FIBCD1: variants seen among roughly 807,000 people sequenced by gnomAD.
FIBCD1 encodes fibrinogen C domain containing 1, also known as fibrinogen C domain-containing protein 1.
Under a neutral mutation model 45.1 loss-of-function variants are expected in FIBCD1, and 47 were observed. That is an observed-to-expected ratio of 1.04 (90% CI 0.82 to 1.33). The LOEUF is 1.33. FIBCD1 is among the 40% of genes most tolerant of loss of function. The probability of loss-of-function intolerance (pLI) is 0.00; values close to 1 mark genes in which losing one functional copy is unlikely to be tolerated. For missense variants in FIBCD1, 653 were observed against 682.2 expected, an observed-to-expected ratio of 0.96 and a Z score of 0.48; for synonymous variants, 313 against 308.1, an observed-to-expected ratio of 1.02 and a Z score of -0.17.
In FIBCD1 at chr9:130,905,413, C is replaced by T. The variant is rs1209635183; in HGVS notation, c.947G>A (p.Gly316Glu). The change falls in exon 6 of 7, where the codon GGG becomes GAG. Residue 316 changes from glycine (G) to glutamate (E), a missense_variant and splice_region_variant. Physicochemically the swap from Gly to Glu is moderately conservative, Grantham distance 98. Transcript: ENST00000372338. ...FGRLTGEHWLGLKRIHALTTQ... is the reference protein window; with the variant it reads ...FGRLTGEHWLELKRIHALTTQ... ...GGTCAGGGCGTGGATCCTCTTGAGCCCTGAAGTTGGGGGGAAAATGGTGGG... is the reference window on the plus strand; with the variant it reads ...GGTCAGGGCGTGGATCCTCTTGAGCTCTGAAGTTGGGGGGAAAATGGTGGG... 2 of 1,606,104 alleles carry T rather than the reference C, an allele frequency of 1.2e-6. No homozygotes were observed. Among genetic ancestry groups the T allele is most frequent in the Non-Finnish European group, 1.7e-6 (2 of 1,175,810 alleles).
At chr9:130,904,641 G>A (rs1366602504) in intron 6 of FIBCD1, among the ~76,000 whole-genome samples, 1 of 149,222 alleles carries the variant, frequency 6.7e-6, no homozygotes, top group African/African-American at 2.4e-5. Flanking sequence ...CGGCCTGAGA[G>A]GGGAAACCCA....
At position 130,921,826 on chromosome 9, in the gene FIBCD1, A is replaced by G. The variant is rs151306098; in HGVS notation, c.849+1918T>C. ...GAAAACAAAAGAGCTTTTATCCCCC[A>G]GACGCAGCTCCAGTACATTTTTAAA... On this transcript the variant is annotated intron_variant, in intron 4 of 6. Coordinates refer to ENST00000372338, the MANE Select transcript of FIBCD1 (RefSeq NM_032843.5). 1.9e-3 allele frequency among the ~76,000 whole-genome samples: 284 copies of G among 152,346 alleles called. 2 individuals are homozygous for G. The highest frequency in any genetic ancestry group is 3.1e-3 in the Admixed American group (48 of 15,310).
chr9:130,912,615 G>A (rs1175862415), intron 4 of FIBCD1, among the ~76,000 whole-genome samples: 2 of 151,780 alleles, frequency 1.3e-5, no homozygotes, highest in African/African-American at 2.4e-5. Context: ...GCTGAGGCAG[G>A]AGAATCGCTT....
chr9:130,916,370 C>T (rs1025095646), intron 4 of FIBCD1, among the ~76,000 whole-genome samples: 1 of 152,262 alleles, frequency 6.6e-6, no homozygotes. Context: ...GCCTTTGCCA[C>T]GGGCTGTCCT....
chr9:130,915,606 G>A (rs111651871), intron 4 of FIBCD1, among the ~76,000 whole-genome samples: 17,912 of 152,200 alleles, frequency 0.12, 2,316 homozygotes, highest in African/African-American at 0.32. Flanking sequence ...GGGAGGCTGA[G>A]GCAGGATAAT....
At chr9:130,933,166 A>G (rs1420469610) in intron 1 of FIBCD1, among the ~76,000 whole-genome samples, 1 of 152,232 alleles carries the variant, frequency 6.6e-6, no homozygotes, top group Non-Finnish European at 1.5e-5. Context: ...CAGGGCACTC[A>G]GCAGAGGAGA....
At chr9:130,921,625 G>A (rs1832262422) in intron 4 of FIBCD1, among the ~76,000 whole-genome samples, 1 of 152,208 alleles carries the variant, frequency 6.6e-6, no homozygotes, top group African/African-American at 2.4e-5. Context: ...CCGGGAGATT[G>A]GCTTCATGTC....
chr9:130,924,556 G>C (rs1468309558), intron 2 of FIBCD1, among the ~76,000 whole-genome samples, 160 bp from the exon 3 acceptor site: 1 of 152,226 alleles, frequency 6.6e-6, no homozygotes, highest in Admixed American at 6.5e-5. Flanking sequence ...CCTGTCCAAG[G>C]TGGTCTGAGG....
At chr9:130,930,825 C>A (rs879078621) in intron 1 of FIBCD1, 2 of 456,076 alleles carry the variant, frequency 4.4e-6, no homozygotes, top group Admixed American at 2.3e-5. Context: ...TAGAGACACC[C>A]ACCTCTCTAT....
intron 4 of FIBCD1, among the ~76,000 whole-genome samples, chr9:130,917,636 A>AGCT (rs1832189589): frequency 6.6e-6 from 1 of 152,194 alleles, no homozygotes; most frequent in African/African-American, 2.4e-5. Context: ...CTGACCAACC[A>AGCT]GCTGCTGCTT....
At chr9:130,913,029 T>A (rs1461027091) in intron 4 of FIBCD1, among the ~76,000 whole-genome samples, 1 of 152,088 alleles carries the variant, frequency 6.6e-6, no homozygotes, top group Non-Finnish European at 1.5e-5. Flanking sequence ...GAGCCCACAG[T>A]CAGCGGGGTG....
intron 6 of FIBCD1, 130 bp from the exon 7 acceptor site, chr9:130,904,453 TCACA>T (rs773251932): frequency 3.5e-5 from 47 of 1,332,708 alleles, no homozygotes; most frequent in Non-Finnish European, 4.6e-5. Flanking sequence ...GCACGTGCTC[TCACA>T]CATACTGCTG....
In FIBCD1 at chr9:130,923,741, C is replaced by T. The variant is rs1832302663; in HGVS notation, c.849+3G>A. ...TGCCGCCCGCCCAGCCTGGGACACT[C>T]ACCGTCCAGCCGCCGCCGTCCGTGC... On this transcript the variant is annotated splice_donor_region_variant and intron_variant, in intron 4 of 6. Coordinates refer to ENST00000372338, the MANE Select transcript of FIBCD1 (RefSeq NM_032843.5). 6.2e-7 allele frequency: 1 copy of T among 1,611,486 alleles called. No individual in the cohort carries two copies. Among genetic ancestry groups the T allele is most frequent in the East Asian group, 2.2e-5 (1 of 44,882 alleles).
At position 130,939,105 on chromosome 9, in the gene FIBCD1, C is replaced by T. The variant is rs756666367; in HGVS notation, c.-498G>A. On this transcript the variant is annotated 5_prime_UTR_variant, in exon 1 of 7. Coordinates refer to ENST00000372338, the MANE Select transcript of FIBCD1 (RefSeq NM_032843.5). The stretch of plus-strand genomic sequence containing the variant: ...CTGGCCCCCAGATAACGCGGCCGGC[C>T]GGAGGGCAGCAAACAGCCGCGGGCG... 1.3e-5 allele frequency: 2 copies of T among 152,176 alleles called. No homozygotes were observed. The highest frequency in any genetic ancestry group is 2.4e-5 in the African/African-American group (1 of 41,440). 9.4% of individuals were successfully genotyped at this position (152,176 alleles called of 1,614,324 possible).
At chr9:130,913,460 C>T (rs926762917) in intron 4 of FIBCD1, among the ~76,000 whole-genome samples, 5 of 152,084 alleles carry the variant, frequency 3.3e-5, no homozygotes, top group Non-Finnish European at 5.9e-5. Flanking sequence ...TGAGCGTTTG[C>T]CAATGCTCTG....
At chr9:130,919,212 G>A (rs1302673280) in intron 4 of FIBCD1, among the ~76,000 whole-genome samples, 1 of 152,214 alleles carries the variant, frequency 6.6e-6, no homozygotes, top group Non-Finnish European at 1.5e-5. Context: ...ACGGAGGCAC[G>A]CTTTCTTTGC....
chr9:130,932,097 G>T (rs893761049), intron 1 of FIBCD1, among the ~76,000 whole-genome samples: 1 of 152,174 alleles, frequency 6.6e-6, no homozygotes, highest in South Asian at 2.1e-4. Flanking sequence ...CTCCAACATG[G>T]GGGGACATCT....
intron 4 of FIBCD1, among the ~76,000 whole-genome samples, chr9:130,921,454 A>G (rs1315980974): frequency 6.6e-6 from 1 of 152,228 alleles, no homozygotes; most frequent in Non-Finnish European, 1.5e-5. Context: ...TGGCCAGGCA[A>G]GCACTTCTCA....
intron 1 of FIBCD1, among the ~76,000 whole-genome samples, chr9:130,930,424 A>G (rs1450602719): frequency 2.0e-5 from 3 of 149,732 alleles, no homozygotes; most frequent in Non-Finnish European, 3.0e-5. Context: ...GCGGGGAGAC[A>G]CGGGGAGACA....
Sources: gnomAD v4.1 joint callset for allele counts (sites outside exome capture counted in the v4.1 genomes callset) on GRCh38, gnomAD v4.1.1 for gene constraint, MANE v1.5 for transcripts, NCBI Gene and HGNC (gene_info 2026-07-23, HGNC 2026-07-21) for gene names.